PDS5B: variants seen among roughly 807,000 people sequenced by gnomAD.
PDS5B encodes PDS5 cohesin associated factor B.
In PDS5B, 51 loss-of-function variants were observed where a neutral mutation model predicts 184.1. The ratio of observed to expected loss-of-function variants is 0.28; its 90% CI spans 0.22 to 0.35. The LOEUF is 0.35. Ranked by LOEUF, PDS5B falls within the 10% of genes least tolerant of loss-of-function variation. The pLI is 1.00. For missense variants in PDS5B, 1,180 were observed against 1,723.3 expected, an observed-to-expected ratio of 0.68 and a Z score of 5.58; for synonymous variants, 566 against 569.2, an observed-to-expected ratio of 0.99 and a Z score of 0.08.
At chr13:32,725,109 T>C (rs1952852885) in intron 19 of PDS5B, among the ~76,000 whole-genome samples, 1 of 152,220 alleles carries the variant, frequency 6.6e-6, no homozygotes, top group African/African-American at 2.4e-5. Flanking sequence ...TGAATACTTT[T>C]GTAAAAAGCA....
chr13:32,705,227 C>T (rs1951974596), intron 17 of PDS5B, among the ~76,000 whole-genome samples: 3 of 152,028 alleles, frequency 2.0e-5, no homozygotes, highest in African/African-American at 7.2e-5. Flanking sequence ...TACTCTCAGT[C>T]GTGGAAGAAA....
intron 24 of PDS5B, among the ~76,000 whole-genome samples, chr13:32,748,716 G>A (rs1367903932): frequency 6.6e-6 from 1 of 151,912 alleles, no homozygotes; most frequent in Admixed American, 6.6e-5. Context: ...TAGAGCCTAT[G>A]TAAGTGTTAA....
At chr13:32,592,003 C>A (rs888596824) in intron 1 of PDS5B, among the ~76,000 whole-genome samples, 1 of 152,112 alleles carries the variant, frequency 6.6e-6, no homozygotes, top group East Asian at 1.9e-4. Flanking sequence ...TTGGTGTAAA[C>A]ATAAGGTAGA....
intron 1 of PDS5B, among the ~76,000 whole-genome samples, chr13:32,633,470 A>G (rs924999400): frequency 2.6e-5 from 4 of 152,216 alleles, no homozygotes; most frequent in African/African-American, 7.2e-5. Context: ...TCACAAAACA[A>G]AGTTGTTGAT....
chr13:32,629,963 T>C (rs927955920), intron 1 of PDS5B, among the ~76,000 whole-genome samples: 4 of 152,162 alleles, frequency 2.6e-5, no homozygotes, highest in Non-Finnish European at 4.4e-5. Flanking sequence ...GGTTACTTAA[T>C]GAAAGCCAAA....
chr13:32,676,694 G>A (rs2140776857), intron 9 of PDS5B, among the ~76,000 whole-genome samples: 1 of 152,254 alleles, frequency 6.6e-6, no homozygotes, highest in Middle Eastern at 3.4e-3. Context: ...CACTTTGGGA[G>A]GCCGAGGCAG....
At chr13:32,702,381 ACT>A in intron 17 of PDS5B, among the ~76,000 whole-genome samples, 1 of 152,232 alleles carries the variant, frequency 6.6e-6, no homozygotes, top group South Asian at 2.1e-4. Context: ...TAAGAGGAAG[ACT>A]CTGAATCAGA....
At position 32,657,709 on chromosome 13, in the gene PDS5B, G is replaced by A. The variant is rs578138912; in HGVS notation, c.313-530G>A. Among the ~76,000 whole-genome samples, 70 of 152,244 alleles carry A rather than the reference G, an allele frequency of 4.6e-4. No individual in the cohort carries two copies. The South Asian group carries it at 0.014, about 30-fold the overall frequency. ...AAGTCAAAAATATGAGATGGGAATA[G>A]ATTTAGAAAGATGGGGAAAAGCAGG... On this transcript the variant is annotated intron_variant, in intron 3 of 34. Coordinates refer to ENST00000315596, the MANE Select transcript of PDS5B (RefSeq NM_015032.4).
intron 1 of PDS5B, among the ~76,000 whole-genome samples, chr13:32,641,406 A>G (rs562924805): frequency 6.6e-6 from 1 of 151,634 alleles, no homozygotes; most frequent in African/African-American, 2.4e-5. Context: ...CATTTTCTGG[A>G]CACTTTTTTC....
At chr13:32,724,240 T>G (rs1952818602) in intron 19 of PDS5B, among the ~76,000 whole-genome samples, 2 of 151,856 alleles carry the variant, frequency 1.3e-5, no homozygotes. Flanking sequence ...CCTCAGCCTC[T>G]CAGTAGTTGG....
At chr13:32,635,453 C>G (rs1298843735) in intron 1 of PDS5B, among the ~76,000 whole-genome samples, 3 of 150,594 alleles carry the variant, frequency 2.0e-5, no homozygotes, top group African/African-American at 7.3e-5. Flanking sequence ...AAGTGATTCT[C>G]CTGCCTCAGC....
chr13:32,596,353 GATGTATCAGTTTTTA>G (rs2057869877), intron 1 of PDS5B, among the ~76,000 whole-genome samples: 2 of 152,158 alleles, frequency 1.3e-5, no homozygotes, highest in South Asian at 4.1e-4. Context: ...CATGGGGTTG[GATGTATCAGTTTTTA>G]TTGCTAAGTA....
chr13:32,683,886 A>G lies in PDS5B; in HGVS notation c.1066A>G (p.Lys356Glu). 1 of 1,592,108 alleles carries G rather than the reference A, an allele frequency of 6.3e-7. No individual in the cohort carries two copies. The highest frequency in any genetic ancestry group is 2.2e-5 in the East Asian group (1 of 44,472). Residue 356 changes from lysine (K) to glutamate (E), a missense_variant, in exon 11 of 35, where the codon AAA becomes GAA. By Grantham distance (56) the Lys-to-Glu change is moderately conservative. Around this residue, in one of 11 missense-constraint regions of PDS5B, gnomAD observed 475 missense variants for 691.5 expected, o/e 0.69. Coordinates refer to ENST00000315596, the MANE Select transcript of PDS5B (RefSeq NM_015032.4). ...DLAKDLTEYLKVRSHDPEEAI... is the reference protein window; with the variant it reads ...DLAKDLTEYLEVRSHDPEEAI... ...AAAATGTTATCTTTCAGAGTATCTTAAAGTGAGGTCACATGACCCTGAGGA... is the reference window on the plus strand; with the variant it reads ...AAAATGTTATCTTTCAGAGTATCTTGAAGTGAGGTCACATGACCCTGAGGA...
intron 1 of PDS5B, among the ~76,000 whole-genome samples, chr13:32,644,350 C>T (rs1950169011): frequency 2.0e-5 from 3 of 152,194 alleles, no homozygotes; most frequent in Non-Finnish European, 2.9e-5. Context: ...TTTATTGGGA[C>T]GTAACCTTAT....
intron 33 of PDS5B, among the ~76,000 whole-genome samples, chr13:32,772,282 A>G (rs888211941): frequency 6.6e-6 from 1 of 152,142 alleles, no homozygotes; most frequent in Non-Finnish European, 1.5e-5. Context: ...ATTTGATTAG[A>G]TGGTTCTATT....
At position 32,659,270 on chromosome 13, in the gene PDS5B, C is replaced by T; in HGVS notation, c.614C>T (p.Pro205Leu). 1 of 1,585,808 alleles carries T rather than the reference C, an allele frequency of 6.3e-7. No individual in the cohort carries two copies. The highest frequency in any genetic ancestry group is 1.3e-5 in the African/African-American group (1 of 74,666). The change falls in exon 6 of 35, where the codon CCT becomes CTT. Residue 205 changes from proline (P) to leucine (L), a missense_variant. Transcript: ENST00000315596. ...GATACGGTTTTAGTAAATCTGGTAC[C>T]TGCTCATAAGGTGAGTAGCAATGTA... ...LLDTVLVNLV[P>L]AHKNLNKQAY...
At chr13:32,647,904 A>G (rs536995064) in intron 1 of PDS5B, among the ~76,000 whole-genome samples, 110 of 152,262 alleles carry the variant, frequency 7.2e-4, no homozygotes, top group African/African-American at 2.5e-3. Flanking sequence ...ATTCTTTGAT[A>G]CTTAGGATGA....
rs115967424 is a variant in PDS5B, at chr13:32,629,257, C to T, written c.-19-19497C>T. ...TGAAGAATCATTGCTCCGAGTTGTT[C>T]GATTTTTTTTTTTTAACCTTTTCTT... On this transcript the variant is annotated intron_variant, in intron 1 of 34. Transcript: ENST00000315596. Among the ~76,000 whole-genome samples the T allele has an allele frequency of 2.5e-3, 376 of 151,428 alleles. 2 individuals are homozygous for T. Among genetic ancestry groups the T allele is most frequent in the African/African-American group, 8.6e-3 (356 of 41,286 alleles).
chr13:32,707,839 T>C (rs1390659376), intron 18 of PDS5B, among the ~76,000 whole-genome samples: 1 of 151,792 alleles, frequency 6.6e-6, no homozygotes, highest in Non-Finnish European at 1.5e-5. Flanking sequence ...ATTTGGGGCA[T>C]CATACTATCC....
Sources: gnomAD v4.1 joint callset for allele counts (sites outside exome capture counted in the v4.1 genomes callset) on GRCh38, gnomAD v4.1.1 for gene constraint, gnomAD v4.1.1 regional missense constraint, MANE v1.5 for transcripts, NCBI Gene and HGNC (gene_info 2026-07-23, HGNC 2026-07-21) for gene names.